The following TNS3 variants were observed in gnomAD, a reference collection of about 807,000 sequenced individuals.
TNS3 encodes the protein tensin-3.
TNS3 carries 45 observed loss-of-function variants against 140.9 expected under a neutral mutation model. That is an observed-to-expected ratio of 0.32 (90% CI 0.25 to 0.41). The LOEUF is 0.41. Ranked by LOEUF, TNS3 falls within the 10% of genes least tolerant of loss-of-function variation. TNS3 has a pLI of 1.00. For synonymous variants in TNS3, 815 were observed against 788.4 expected (o/e 1.03, Z -0.56); for missense variants, 1,716 against 1,906.7 (o/e 0.90, Z 1.86).
At chr7:47,346,587 G>T (rs11978647) in intron 17 of TNS3, among the ~76,000 whole-genome samples, 2,110 of 152,316 alleles carry the variant, frequency 0.014, 50 homozygotes, top group African/African-American at 0.047. Flanking sequence ...AGCTTCCCCA[G>T]GCCAGCATGC....
intron 3 of TNS3, among the ~76,000 whole-genome samples, chr7:47,501,824 GGAA>G: frequency 6.6e-6 from 1 of 152,318 alleles, no homozygotes; most frequent in East Asian, 1.9e-4. Context: ...GCCTTCATGG[GGAA>G]GAAGAGGCCT....
chr7:47,375,081 T>C (rs1239165186), intron 16 of TNS3, among the ~76,000 whole-genome samples: 2 of 152,172 alleles, frequency 1.3e-5, no homozygotes, highest in African/African-American at 4.8e-5. Context: ...ATTTTAACAT[T>C]TTGCTTCCAT....
At chr7:47,465,873 G>A (rs1335968281) in intron 4 of TNS3, among the ~76,000 whole-genome samples, 4 of 150,652 alleles carry the variant, frequency 2.7e-5, no homozygotes, top group Non-Finnish European at 5.9e-5. Context: ...GCTGTGAGCC[G>A]AGATCACACC....
rs58777560 is a variant in TNS3 at position 47,561,877 on chromosome 7, AAGGCCAGGCT to A, written c.-265+20164_-265+20173del. Reference sequence around the variant, plus strand: ...TAAGAAGCAGGACTATGCAGACAGAAAGGCCAGGCTGTGAAGACCTGCTGAGCACAGCTCC... The same window carrying A: ...TAAGAAGCAGGACTATGCAGACAGAAGTGAAGACCTGCTGAGCACAGCTCC... On this transcript the variant is annotated intron_variant, in intron 1 of 30. Coordinates refer to ENST00000311160, the MANE Select transcript of TNS3 (RefSeq NM_022748.12). Among the ~76,000 whole-genome samples the A allele has an allele frequency of 5.8e-3, 880 of 152,316 alleles. 13 individuals carry two copies. The highest frequency in any genetic ancestry group is 0.02 in the African/African-American group (812 of 41,566).
chr7:47,576,280 C>A (rs1800673355), intron 1 of TNS3, among the ~76,000 whole-genome samples: 1 of 151,886 alleles, frequency 6.6e-6, no homozygotes, highest in Non-Finnish European at 1.5e-5. Flanking sequence ...GGCCTGGAGC[C>A]CAAAAGGAGG....
At chr7:47,498,086 A>C (rs1345738020) in intron 3 of TNS3, among the ~76,000 whole-genome samples, 1 of 152,170 alleles carries the variant, frequency 6.6e-6, no homozygotes, top group Non-Finnish European at 1.5e-5. Flanking sequence ...GCTTGTCCAA[A>C]TTATTTCTCA....
chr7:47,311,667 G>A (rs1382584273), intron 20 of TNS3, among the ~76,000 whole-genome samples: 1 of 152,090 alleles, frequency 6.6e-6, no homozygotes, highest in Non-Finnish European at 1.5e-5. Flanking sequence ...AGTAAGACAT[G>A]AGAAATGATT....
intron 20 of TNS3, among the ~76,000 whole-genome samples, chr7:47,329,549 C>G (rs1421795221): frequency 6.6e-6 from 1 of 152,190 alleles, no homozygotes; most frequent in Non-Finnish European, 1.5e-5. Context: ...CGCACATGGG[C>G]CAGGAAGATC....
At chr7:47,502,195 G>A (rs374336206) in intron 3 of TNS3, among the ~76,000 whole-genome samples, 11 of 152,164 alleles carry the variant, frequency 7.2e-5, no homozygotes, top group African/African-American at 2.4e-4. Flanking sequence ...CTGGGGTCTC[G>A]AGGTTTTTCA....
intron 1 of TNS3, among the ~76,000 whole-genome samples, chr7:47,530,858 T>TATATATATATATATATATA (rs60516528): frequency 3.8e-5 from 5 of 131,650 alleles, no homozygotes; most frequent in African/African-American, 8.3e-5. Flanking sequence ...TATATATATA[T>TATATATATATATATATATA]TTCTAGCACA....
chr7:47,295,661 G>A (rs1562768372), intron 24 of TNS3, among the ~76,000 whole-genome samples: 1 of 152,124 alleles, frequency 6.6e-6, no homozygotes, highest in Non-Finnish European at 1.5e-5. Context: ...AGGCTTCGGG[G>A]CTGAGCTTTG....
chr7:47,293,857 A>AT (rs760591866), intron 24 of TNS3, 29 bp from the exon 25 acceptor site: 3 of 1,610,492 alleles, frequency 1.9e-6, no homozygotes, highest in South Asian at 1.1e-5. Context: ...AGAAAGAAGA[A>AT]TTTTTTGAAA....
At chr7:47,358,624 G>A (rs989537623) in intron 17 of TNS3, among the ~76,000 whole-genome samples, 3 of 152,240 alleles carry the variant, frequency 2.0e-5, no homozygotes, top group Non-Finnish European at 4.4e-5. Context: ...AGCCGGCAGT[G>A]CTCTCGGGAG....
intron 27 of TNS3, among the ~76,000 whole-genome samples, chr7:47,288,047 A>T (rs924625818): frequency 2.6e-5 from 4 of 152,242 alleles, no homozygotes; most frequent in Non-Finnish European, 4.4e-5. Flanking sequence ...AATTCATTCA[A>T]TTCATTTATT....
chr7:47,353,850 G>A (rs1789822537), intron 17 of TNS3, among the ~76,000 whole-genome samples: 2 of 152,114 alleles, frequency 1.3e-5, no homozygotes, highest in East Asian at 1.9e-4. Flanking sequence ...AAAACTGCAG[G>A]GGCCAGCAGT....
At chr7:47,536,589 T>C (rs910828606) in intron 1 of TNS3, among the ~76,000 whole-genome samples, 16 of 152,294 alleles carry the variant, frequency 1.1e-4, no homozygotes, top group Admixed American at 3.3e-4. Flanking sequence ...CCCAATTCCA[T>C]TGCAGGGAAA....
intron 20 of TNS3, among the ~76,000 whole-genome samples, chr7:47,321,302 G>A (rs1007543730): frequency 2.6e-5 from 4 of 152,134 alleles, no homozygotes; most frequent in East Asian, 1.9e-4. Flanking sequence ...ACTGGTTTTC[G>A]GTGGTACCAT....
chr7:47,516,230 ACTACT>A (rs1282110523), intron 2 of TNS3, among the ~76,000 whole-genome samples: 1 of 152,226 alleles, frequency 6.6e-6, no homozygotes, highest in African/African-American at 2.4e-5. Context: ...CTAGAGATTA[ACTACT>A]CTAATGTACA....
At chr7:47,386,511 A>G (rs990334831) in intron 16 of TNS3, among the ~76,000 whole-genome samples, 1 of 152,160 alleles carries the variant, frequency 6.6e-6, no homozygotes, top group Non-Finnish European at 1.5e-5. Context: ...TGCTCTAATA[A>G]CACTCCTGGC....
Sources: gnomAD v4.1 joint callset for allele counts (sites outside exome capture counted in the v4.1 genomes callset) on GRCh38, gnomAD v4.1.1 for gene constraint, MANE v1.5 for transcripts, NCBI Gene and HGNC (gene_info 2026-07-23, HGNC 2026-07-21) for gene names.